The following MACROD2 variants were observed in gnomAD, a reference collection of about 807,000 sequenced individuals.
MACROD2 encodes the protein ADP-ribose glycohydrolase MACROD2.
In MACROD2, 36 loss-of-function variants were observed where a neutral mutation model predicts 70.4. That is an observed-to-expected ratio of 0.51 (90% CI 0.39 to 0.68). MACROD2 has a LOEUF of 0.68. MACROD2 is among the 30% of genes least tolerant of loss of function. The pLI is 0.00. For missense variants in MACROD2, 496 were observed against 538.4 expected (o/e 0.92, Z 0.78); for synonymous variants, 172 against 178.8 (o/e 0.96, Z 0.30).
intron 3 of MACROD2, among the ~76,000 whole-genome samples, chr20:14,447,816 C>T (rs1206093115): frequency 6.6e-6 from 1 of 151,804 alleles, no homozygotes; most frequent in Non-Finnish European, 1.5e-5. Context: ...AGAGGACTGC[C>T]AGAGACCGCA....
At chr20:14,725,297 A>G (rs998343224) in intron 5 of MACROD2, among the ~76,000 whole-genome samples, 1 of 152,124 alleles carries the variant, frequency 6.6e-6, no homozygotes, top group Non-Finnish European at 1.5e-5. Context: ...CAGGGATAAA[A>G]ATATAAATTT....
chr20:14,983,933 T>C (rs1273129660), intron 5 of MACROD2, among the ~76,000 whole-genome samples: 1 of 152,176 alleles, frequency 6.6e-6, no homozygotes, highest in Non-Finnish European at 1.5e-5. Context: ...TGTCAGTCAT[T>C]GGAATAGACT....
chr20:14,839,951 T>C (rs2073069230), intron 5 of MACROD2, among the ~76,000 whole-genome samples: 2 of 152,096 alleles, frequency 1.3e-5, no homozygotes, highest in South Asian at 4.2e-4. Flanking sequence ...GTCTCTTCCC[T>C]CTTCCTTTGT....
chr20:15,162,999 G>A (rs1298452344), intron 5 of MACROD2, among the ~76,000 whole-genome samples: 1 of 152,004 alleles, frequency 6.6e-6, no homozygotes, highest in Non-Finnish European at 1.5e-5. Flanking sequence ...TACCATGGCA[G>A]GTAAGCTGAA....
intron 5 of MACROD2, among the ~76,000 whole-genome samples, chr20:14,843,358 A>G (rs1328333193): frequency 6.6e-6 from 1 of 151,648 alleles, no homozygotes; most frequent in Non-Finnish European, 1.5e-5. Flanking sequence ...TATATACTTT[A>G]CCCATACAGT....
intron 8 of MACROD2, among the ~76,000 whole-genome samples, chr20:15,677,300 T>C (rs2050072267): frequency 1.3e-5 from 2 of 152,014 alleles, no homozygotes; most frequent in Non-Finnish European, 2.9e-5. Context: ...ATCTAGGAAA[T>C]TTAGAGGGCA....
chr20:15,028,932 C>G (rs945017279), intron 5 of MACROD2, among the ~76,000 whole-genome samples: 3 of 152,172 alleles, frequency 2.0e-5, no homozygotes, highest in Non-Finnish European at 4.4e-5. Flanking sequence ...TGGTGAGAGT[C>G]ATTTCCTTAG....
At chr20:15,850,828 G>A (rs1163604019) in intron 8 of MACROD2, among the ~76,000 whole-genome samples, 9 of 152,186 alleles carry the variant, frequency 5.9e-5, no homozygotes. Flanking sequence ...ATCTGTTGCT[G>A]TCACTTTGTT....
chr20:15,075,861 G>C (rs1050409027), intron 5 of MACROD2, among the ~76,000 whole-genome samples: 1 of 152,090 alleles, frequency 6.6e-6, no homozygotes, highest in African/African-American at 2.4e-5. Flanking sequence ...GAGCGCTGAA[G>C]GATAAAGGGT....
At chr20:14,267,955 G>T (rs1353259433) in intron 3 of MACROD2, among the ~76,000 whole-genome samples, 3 of 141,362 alleles carry the variant, frequency 2.1e-5, no homozygotes, top group Non-Finnish European at 4.7e-5. Context: ...TATGGTAAAA[G>T]AGCTACCCAC....
intron 5 of MACROD2, among the ~76,000 whole-genome samples, chr20:15,118,311 G>A (rs1020931259): frequency 3.3e-5 from 5 of 151,088 alleles, no homozygotes; most frequent in South Asian, 2.1e-4. Context: ...TCCTTCCTCA[G>A]CCTCCTGAGT....
Position 14,972,223 on chromosome 20 carries a change from A to G in MACROD2, c.419-257717A>G, listed in dbSNP as rs968492798. Among the ~76,000 whole-genome samples, 32 of 152,232 alleles carry G rather than the reference A, an allele frequency of 2.1e-4. 1 individual carries two copies. The highest frequency in any genetic ancestry group is 5.2e-4 in the Admixed American group (8 of 15,284). On this transcript the variant is annotated intron_variant, in intron 5 of 17. Coordinates refer to ENST00000684519, the MANE Select transcript of MACROD2 (RefSeq NM_001351661.2). ...TCTACTCAATTCTATTGGTGTAAGT[A>G]GTCACAGAGCCTGCCCAGACTGAAG... is the stretch of plus-strand genomic sequence containing the variant.
intron 5 of MACROD2, among the ~76,000 whole-genome samples, chr20:15,170,685 A>G (rs2076416427): frequency 6.6e-6 from 1 of 152,192 alleles, no homozygotes; most frequent in South Asian, 2.1e-4. Flanking sequence ...GAGCCATTTA[A>G]GTTGGGGGAC....
At chr20:14,938,754 G>A (rs1053254546) in intron 5 of MACROD2, among the ~76,000 whole-genome samples, 13 of 152,006 alleles carry the variant, frequency 8.6e-5, no homozygotes, top group South Asian at 4.2e-4. Context: ...GCACTCCAGC[G>A]TGGGTGACTG....
chr20:15,617,892 G>T (rs1183308447), intron 8 of MACROD2, among the ~76,000 whole-genome samples: 1 of 152,024 alleles, frequency 6.6e-6, no homozygotes, highest in Non-Finnish European at 1.5e-5. Flanking sequence ...TTGAAGGGTG[G>T]GGACAGGGTT....
chr20:14,979,722 G>A (rs1427929933), intron 5 of MACROD2, among the ~76,000 whole-genome samples: 1 of 152,184 alleles, frequency 6.6e-6, no homozygotes, highest in East Asian at 1.9e-4. Context: ...GCTTAATAAG[G>A]AAATTTAAGT....
intron 8 of MACROD2, among the ~76,000 whole-genome samples, chr20:15,501,670 A>G (rs77245628): frequency 0.023 from 3,505 of 152,246 alleles, 128 homozygotes; most frequent in African/African-American, 0.08. Context: ...AGTTATTGCT[A>G]TTGCAACTGT....
intron 5 of MACROD2, among the ~76,000 whole-genome samples, chr20:15,223,304 A>G (rs144706633): frequency 1.3e-5 from 2 of 152,220 alleles, no homozygotes; most frequent in African/African-American, 2.4e-5. Flanking sequence ...AGAGGGCTTC[A>G]GTGCACAAAG....
chr20:14,227,161 G>A (rs1211696550), intron 3 of MACROD2, among the ~76,000 whole-genome samples: 2 of 152,130 alleles, frequency 1.3e-5, no homozygotes, highest in African/African-American at 4.8e-5. Flanking sequence ...GAACCTTTGT[G>A]TCTAGCTCAG....
Sources: gnomAD v4.1 joint callset for allele counts (sites outside exome capture counted in the v4.1 genomes callset) on GRCh38, gnomAD v4.1.1 for gene constraint, MANE v1.5 for transcripts, NCBI Gene and HGNC (gene_info 2026-07-23, HGNC 2026-07-21) for gene names.